The following SOX6 variants were observed in gnomAD, a reference collection of about 807,000 sequenced individuals.
SOX6 encodes SRY-box transcription factor 6.
Under a neutral mutation model 97.8 loss-of-function variants are expected in SOX6, and 11 were observed. The observed-to-expected ratio is 0.11, with a 90% confidence interval of 0.07 to 0.19. SOX6 has a LOEUF of 0.19. Among genes scored for constraint, SOX6 ranks in the 10% least tolerant of loss-of-function variants. The pLI is 1.00. For synonymous variants in SOX6, 360 were observed against 371.4 expected (o/e 0.97, Z 0.35); for missense variants, 810 against 1,039.5 (o/e 0.78, Z 3.04).
chr11:16,417,704 CA>C (rs1466221385), intron 1 of SOX6, among the ~76,000 whole-genome samples: 4 of 152,060 alleles, frequency 2.6e-5, no homozygotes, highest in Admixed American at 6.6e-5. Flanking sequence ...TTGAATGCCC[CA>C]ACTATTTTTA....
chr11:16,209,479 G>C (rs969471568), intron 4 of SOX6, among the ~76,000 whole-genome samples: 1 of 152,092 alleles, frequency 6.6e-6, no homozygotes, highest in African/African-American at 2.4e-5. Context: ...TTCTGGGCCC[G>C]GCAGGGTGGC....
chr11:16,478,248 C>T (rs1191401612), upstream of SOX6, among the ~76,000 whole-genome samples: 2 of 152,272 alleles, frequency 1.3e-5, no homozygotes, highest in East Asian at 3.9e-4. Flanking sequence ...CTGGCAACTA[C>T]TTTTTTAAAA....
intron 3 of SOX6, among the ~76,000 whole-genome samples, chr11:16,292,507 G>GA (rs1204726081): frequency 1.3e-5 from 2 of 151,924 alleles, no homozygotes; most frequent in African/African-American, 2.4e-5. Flanking sequence ...TAGAATAAGT[G>GA]AAAAAAAGAA....
At chr11:16,500,931 A>C (rs868387503) in intron 4 of SOX6, among the ~76,000 whole-genome samples, 20 of 152,268 alleles carry the variant, frequency 1.3e-4, no homozygotes, top group Admixed American at 4.6e-4. Flanking sequence ...GCTACCAAGG[A>C]CTTTCTTCAC....
chr11:15,984,660 G>A (rs1359099138), intron 15 of SOX6, among the ~76,000 whole-genome samples: 1 of 152,162 alleles, frequency 6.6e-6, no homozygotes, highest in African/African-American at 2.4e-5. Context: ...TTATAATACA[G>A]AGGAATTTGA....
chr11:16,594,146 A>C (rs1227490549), intron 4 of SOX6, among the ~76,000 whole-genome samples: 1 of 152,186 alleles, frequency 6.6e-6, no homozygotes, highest in East Asian at 1.9e-4. Context: ...GTCATGCCCT[A>C]CATAAGAATA....
intron 3 of SOX6, among the ~76,000 whole-genome samples, chr11:16,681,817 G>A (rs2134030237): frequency 6.6e-6 from 1 of 152,292 alleles, no homozygotes. Flanking sequence ...ACTACCATCA[G>A]AGAATGCTAT....
chr11:16,542,818 A>G (rs1248718515), intron 4 of SOX6, among the ~76,000 whole-genome samples: 1 of 152,184 alleles, frequency 6.6e-6, no homozygotes, highest in African/African-American at 2.4e-5. Flanking sequence ...AGAATTCAAA[A>G]GTTTGTTCAA....
intron 4 of SOX6, among the ~76,000 whole-genome samples, chr11:16,539,997 C>T (rs1408258495): frequency 6.6e-6 from 1 of 152,236 alleles, no homozygotes; most frequent in South Asian, 2.1e-4. Context: ...GATGCCAAAG[C>T]TTGGCAGGGA....
chr11:16,540,978 G>T (rs1221265565), intron 4 of SOX6, among the ~76,000 whole-genome samples: 2 of 151,976 alleles, frequency 1.3e-5, no homozygotes, highest in Non-Finnish European at 2.9e-5. Flanking sequence ...CTATTCTAAA[G>T]TTCATATGGA....
intron 6 of SOX6, among the ~76,000 whole-genome samples, chr11:16,124,315 AT>A (rs1849559581): frequency 6.6e-6 from 1 of 152,148 alleles, no homozygotes; most frequent in African/African-American, 2.4e-5. Context: ...ATACATATAT[AT>A]ATGTACATTT....
At chr11:16,179,975 C>T (rs1851304857) in intron 6 of SOX6, among the ~76,000 whole-genome samples, 1 of 151,738 alleles carries the variant, frequency 6.6e-6, no homozygotes. Context: ...TGCAAAGACT[C>T]AGTTCTAGTT....
intron 3 of SOX6, chr11:16,315,865 A>T (rs1855745811): frequency 6.6e-6 from 1 of 152,170 alleles, no homozygotes; most frequent in South Asian, 2.1e-4. Flanking sequence ...CATCTCTGCG[A>T]TTATACCAAT....
At chr11:16,642,521 G>T (rs925235599) in intron 3 of SOX6, among the ~76,000 whole-genome samples, 3 of 152,238 alleles carry the variant, frequency 2.0e-5, no homozygotes, top group Non-Finnish European at 4.4e-5. Flanking sequence ...TTCCAACTTG[G>T]TTCCATTCTC....
chr11:16,491,271 A>G (rs1860507143), intron 4 of SOX6, among the ~76,000 whole-genome samples: 1 of 152,180 alleles, frequency 6.6e-6, no homozygotes, highest in Non-Finnish European at 1.5e-5. Context: ...TATAAATATC[A>G]TTTATATAAA....
Position 16,491,500 on chromosome 11 carries a change from A to ATG in SOX6, n.610-15114_610-15113dup, listed in dbSNP as rs34737280. Among the ~76,000 whole-genome samples the ATG allele has an allele frequency of 3.7e-3, 553 of 150,496 alleles. 1 individual carries two copies. The highest frequency in any genetic ancestry group is 0.011 in the African/African-American group (470 of 41,154). On this transcript the variant is annotated intron_variant and non_coding_transcript_variant, in intron 4 of 5. Transcript: ENST00000524520. ...ATTCCAATCTGAATTCCAACAGTCT[A>ATG]TGTGTGTGTGTGTGTGTGGTGTGCG...
At chr11:16,412,711 T>C (rs1429378299) in intron 1 of SOX6, among the ~76,000 whole-genome samples, 1 of 152,170 alleles carries the variant, frequency 6.6e-6, no homozygotes, top group Non-Finnish European at 1.5e-5. Flanking sequence ...AGTACTTAAA[T>C]GGTATAATTA....
chr11:15,987,774 AT>A (rs1853908223), intron 14 of SOX6, among the ~76,000 whole-genome samples: 2 of 152,012 alleles, frequency 1.3e-5, no homozygotes, highest in Non-Finnish European at 2.9e-5. Context: ...AGATATTTAA[AT>A]TCAAAATAAC....
intron 4 of SOX6, among the ~76,000 whole-genome samples, chr11:16,494,140 C>T (rs1194811208): frequency 2.0e-5 from 3 of 152,032 alleles, no homozygotes; most frequent in South Asian, 2.1e-4. Flanking sequence ...CTTTGGGAGG[C>T]CGAGGTGGGC....
Sources: gnomAD v4.1 joint callset for allele counts (sites outside exome capture counted in the v4.1 genomes callset) on GRCh38, gnomAD v4.1.1 for gene constraint, MANE v1.5 for transcripts, NCBI Gene and HGNC (gene_info 2026-07-23, HGNC 2026-07-21) for gene names.